CPT2: variants seen among roughly 807,000 people sequenced by gnomAD.
The protein encoded by CPT2 is carnitine palmitoyltransferase 2.
Under a neutral mutation model 48.6 loss-of-function variants are expected in CPT2, and 37 were observed. That is an observed-to-expected ratio of 0.76 (90% CI 0.59 to 1.00). The LOEUF (loss-of-function observed/expected upper bound fraction) is 1.00, where lower values mean the gene tolerates loss of function less well. Among genes scored for constraint, CPT2 ranks in the 50% least tolerant of loss-of-function variants. The pLI, the probability that CPT2 is intolerant of heterozygous loss-of-function variation, is 0.00. For synonymous variants in CPT2, 319 were observed against 326.9 expected (o/e 0.98, Z 0.26); for missense variants, 772 against 825.6 (o/e 0.94, Z 0.80).
At chr1:53,202,871 C>A (rs1243135803) in intron 3 of CPT2, 2 of 178,368 alleles carry the variant, frequency 1.1e-5, no homozygotes, top group Admixed American at 1.1e-4. Flanking sequence ...CCATGCTGTT[C>A]CCACTACCAT....
At chr1:53,200,627 T>C (rs1645348540) in intron 1 of CPT2, 92 bp from the exon 2 acceptor site, 2 of 995,230 alleles carry the variant, frequency 2.0e-6, no homozygotes, top group Admixed American at 1.7e-5. Context: ...GGGGAGGAAA[T>C]TAATGATCTA....
At chr1:53,198,620 A>G in intron 1 of CPT2, among the ~76,000 whole-genome samples, 1 of 152,212 alleles carries the variant, frequency 6.6e-6, no homozygotes, top group Non-Finnish European at 1.5e-5. Flanking sequence ...TCAGATGGTC[A>G]CTGACTTTCA....
chr1:53,210,435 T>C lies in CPT2; in HGVS notation c.761T>C (p.Phe254Ser). ...CTAAGGAAAGGAAATTTTTATATCT[T>C]TGATGTCCTGGATCAAGATGGGAAC... ...LVLRKGNFYI[F>S]DVLDQDGNIV... The change falls in exon 4 of 5, where the codon TTT (phenylalanine) becomes TCT (serine). Residue 254 changes from phenylalanine to serine, a missense_variant. By Grantham distance (155) the Phe-to-Ser change is radical. Coordinates refer to ENST00000371486, the MANE Select transcript of CPT2 (RefSeq NM_000098.3). 3.1e-6 allele frequency: 5 copies of C among 1,614,162 alleles called. No homozygotes were observed. Among genetic ancestry groups the C allele is most frequent in the Non-Finnish European group, 4.2e-6 (5 of 1,180,040 alleles).
At chr1:53,200,629 A>T in intron 1 of CPT2, 90 bp from the exon 2 acceptor site, 1 of 1,012,140 alleles carries the variant, frequency 9.9e-7, no homozygotes, top group Non-Finnish European at 1.6e-6. Context: ...GGAGGAAATT[A>T]ATGATCTAGT....
intron 3 of CPT2, chr1:53,204,121 C>T (rs1645371397): frequency 6.6e-6 from 1 of 152,198 alleles, no homozygotes; most frequent in African/African-American, 2.4e-5. Flanking sequence ...TCCTTTGAAT[C>T]TGGAATCTCA....
chr1:53,210,655 A>G lies in CPT2; in HGVS notation c.981A>G (p.Leu327=). The change falls in exon 4 of 5, where the codon CTA becomes CTG. Residue 327 remains leucine (L), a synonymous_variant. Coordinates refer to ENST00000371486, the MANE Select transcript of CPT2 (RefSeq NM_000098.3). ...ACTCGGCAGTGTTCTGTCTCTGCCT[A>G]GATGACTTCCCCATTAAGGACCTTG... ...KVDSAVFCLC[L]DDFPIKDLVH... is the part of the protein sequence containing the mutation. The G allele has an allele frequency of 6.2e-7, 1 of 1,614,192 alleles. No homozygotes were observed. Among genetic ancestry groups the G allele is most frequent in the Non-Finnish European group, 8.5e-7 (1 of 1,180,036 alleles).
intron 4 of CPT2, chr1:53,211,540 T>C: frequency 1.7e-6 from 1 of 585,920 alleles, no homozygotes; most frequent in Non-Finnish European, 3.0e-6. Flanking sequence ...GGGAAATGCA[T>C]GTGTCTTTGT....
chr1:53,210,614 A>G lies in CPT2; in HGVS notation c.940A>G (p.Ser314Gly), dbSNP rs748646501. Residue 314 changes from serine to glycine, a missense_variant, in exon 4 of 5, where the codon AGC (serine) becomes GGC (glycine). Coordinates refer to ENST00000371486, the MANE Select transcript of CPT2 (RefSeq NM_000098.3). The part of the protein sequence containing the change: ...QKLMSSGNEE[S>G]LRKVDSAVFC... ...GCTGATGAGTAGTGGCAATGAGGAG[A>G]GCCTGAGGAAAGTGGACTCGGCAGT... 1.2e-6 allele frequency: 2 copies of G among 1,614,044 alleles called. No individual in the cohort carries two copies. Among genetic ancestry groups the G allele is most frequent in the Non-Finnish European group, 1.7e-6 (2 of 1,179,992 alleles).
rs1196921350 is a variant in CPT2, at chr1:53,211,139, T to C, written c.1465T>C (p.Cys489Arg). The change falls in exon 4 of 5, where the codon TGT becomes CGT. Residue 489 changes from cysteine (C) to arginine (R), a missense_variant. Cys to Arg is a radical substitution (Grantham distance 180, BLOSUM62 -3). Transcript: ENST00000371486. ...GCAGACAGTGGCCACCTACGAGTCCTGTAGCACTGCCGCATTCAAGCACGG... is the reference window on the plus strand; with the variant it reads ...GCAGACAGTGGCCACCTACGAGTCCCGTAGCACTGCCGCATTCAAGCACGG... The part of the protein sequence containing the change: ...YGQTVATYES[C>R]STAAFKHGRT... 1.2e-6 allele frequency: 2 copies of C among 1,613,408 alleles called. No homozygotes were observed. The highest frequency in any genetic ancestry group is 4.5e-5 in the East Asian group (2 of 44,872).
chr1:53,208,621 C>A (rs1645402118), intron 3 of CPT2: 1 of 152,162 alleles, frequency 6.6e-6, no homozygotes, highest in South Asian at 2.1e-4. Flanking sequence ...AGACGTTCCC[C>A]CCTTATCGGG....
In CPT2 at chr1:53,213,161, C is replaced by CA. The variant is rs578229939; in HGVS notation, c.1646-101dup. 2,345 of 1,139,464 alleles carry CA rather than the reference C, an allele frequency of 2.1e-3. 5 individuals are homozygous for CA. The highest frequency in any genetic ancestry group is 6.4e-3 in the Middle Eastern group (29 of 4,558). The allele number at this position is 1,139,464 out of a possible 1,614,324, so 70.6% of individuals were successfully genotyped here. ...TAGAGGTAGAGCCTTCCCCCACTCTCAAGGATGCTGTGAGGGGTATTCCTA... is the reference window on the plus strand; with the variant it reads ...TAGAGGTAGAGCCTTCCCCCACTCTCAAAGGATGCTGTGAGGGGTATTCCTA... On this transcript the variant is annotated intron_variant, in intron 4 of 4. Transcript: ENST00000371486.
chr1:53,198,529 A>G (rs1363795753), intron 1 of CPT2, among the ~76,000 whole-genome samples: 1 of 152,230 alleles, frequency 6.6e-6, no homozygotes, highest in African/African-American at 2.4e-5. Flanking sequence ...CCACCCTGTC[A>G]ACCTGTGTGT....
At chr1:53,197,490 T>G in intron 1 of CPT2, 1 of 303,706 alleles carries the variant, frequency 3.3e-6, no homozygotes. Flanking sequence ...CTGCCTCACA[T>G]TCCTACCCGG....
Position 53,210,061 on chromosome 1 carries a change from G to C in CPT2, c.387G>C (p.Leu129=), listed in dbSNP as rs777514571. 1.3e-5 allele frequency: 21 copies of C among 1,613,856 alleles called. No homozygotes were observed. The South Asian group carries it at 2.1e-4, about 16-fold the overall frequency. ...MYLSARDSVV[L]NFNPFMAFNP... ...TATCTGCTCGAGACTCCGTTGTTCT[G>C]AACTTTAATCCATTTATGGCTTTCA... Residue 129 remains leucine (L), a synonymous_variant, in exon 4 of 5, where the codon CTG becomes CTC. Coordinates refer to ENST00000371486, the MANE Select transcript of CPT2 (RefSeq NM_000098.3).
At chr1:53,197,796 T>A (rs1052834635) in intron 1 of CPT2, among the ~76,000 whole-genome samples, 1 of 152,036 alleles carries the variant, frequency 6.6e-6, no homozygotes, top group African/African-American at 2.4e-5. Context: ...ATATCCTTCC[T>A]CACCCACAGT....
chr1:53,201,897 T>C (rs1645356540), intron 2 of CPT2: 1 of 221,786 alleles, frequency 4.5e-6, no homozygotes, highest in African/African-American at 2.3e-5. Flanking sequence ...AATCCTTAGC[T>C]TTATAAATAT....
chr1:53,199,847 A>G (rs1645344509), intron 1 of CPT2: 1 of 152,212 alleles, frequency 6.6e-6, no homozygotes, highest in Admixed American at 6.5e-5. Context: ...TTAGGCTTTT[A>G]AACTGCTTTA....
Position 53,202,257 on chromosome 1 carries a change from G to T in CPT2, c.234-66G>T, listed in dbSNP as rs192450210. 160 of 1,315,144 alleles carry T rather than the reference G, an allele frequency of 1.2e-4. 1 individual carries two copies. The African/African-American group carries it at 2.0e-3, about 17-fold the overall frequency. 81.5% of individuals were successfully genotyped at this position (1,315,144 alleles called of 1,614,324 possible). On this transcript the variant is annotated intron_variant, in intron 2 of 4. Coordinates refer to ENST00000371486, the MANE Select transcript of CPT2 (RefSeq NM_000098.3). ...CCCAAAACTCTATTATGAGTTCCTC[G>T]CCATGAACCTAAAAATCATGTATTC...
chr1:53,213,137 A>G, intron 4 of CPT2, 127 bp from the exon 5 acceptor site: 1 of 833,746 alleles, frequency 1.2e-6, no homozygotes, highest in Non-Finnish European at 2.0e-6. Context: ...TGGTGTGCAT[A>G]GAGGTAGAGC....
Sources: gnomAD v4.1 joint callset for allele counts (sites outside exome capture counted in the v4.1 genomes callset) on GRCh38, gnomAD v4.1.1 for gene constraint, MANE v1.5 for transcripts, NCBI Gene and HGNC (gene_info 2026-07-23, HGNC 2026-07-21) for gene names.